The following SLC1A2 variants were observed in gnomAD, a reference collection of about 807,000 sequenced individuals.
SLC1A2 encodes excitatory amino acid transporter 2.
A neutral mutation model predicts 48.8 loss-of-function variants in SLC1A2; 15 were observed. That is an observed-to-expected ratio of 0.31 (90% CI 0.21 to 0.47). The LOEUF is 0.47. SLC1A2 is among the 20% of genes least tolerant of loss of function. The probability of loss-of-function intolerance (pLI) is 0.99; values close to 1 mark genes in which losing one functional copy is unlikely to be tolerated. For missense variants in SLC1A2, 502 were observed against 730.5 expected (o/e 0.69, Z 3.61); for synonymous variants, 279 against 272.6 (o/e 1.02, Z -0.23).
chr11:35,309,584 G>A (rs868767732), intron 4 of SLC1A2, among the ~76,000 whole-genome samples: 7 of 152,304 alleles, frequency 4.6e-5, no homozygotes, highest in Middle Eastern at 3.4e-3. Flanking sequence ...CCTGGGAGGA[G>A]GCAGTCTCCA....
intron 1 of SLC1A2, among the ~76,000 whole-genome samples, chr11:35,321,061 A>T (rs186265714): frequency 4.4e-4 from 67 of 152,340 alleles, no homozygotes; most frequent in Non-Finnish European, 8.1e-4. Flanking sequence ...TCATGGTGGA[A>T]GGGGAAGAGA....
At chr11:35,298,887 T>C (rs1851252488) in intron 6 of SLC1A2, 1 of 152,204 alleles carries the variant, frequency 6.6e-6, no homozygotes, top group African/African-American at 2.4e-5. Context: ...GTTATTGGCA[T>C]CATATTACAG....
chr11:35,361,875 G>T (rs1853692298), intron 1 of SLC1A2, among the ~76,000 whole-genome samples: 1 of 152,144 alleles, frequency 6.6e-6, no homozygotes, highest in Admixed American at 6.5e-5. Context: ...TACTCCAAGG[G>T]CTGAAGTAGA....
intron 7 of SLC1A2, 26 bp from the exon 8 acceptor site, chr11:35,286,977 C>G: frequency 1.3e-6 from 2 of 1,587,184 alleles, no homozygotes; most frequent in South Asian, 1.1e-5. Flanking sequence ...AAGAGAGAGA[C>G]AGGGTTATGT....
At chr11:35,333,913 A>G (rs1266022013) in intron 1 of SLC1A2, among the ~76,000 whole-genome samples, 1 of 150,428 alleles carries the variant, frequency 6.6e-6, no homozygotes, top group African/African-American at 2.5e-5. Flanking sequence ...TCCTGGCCTC[A>G]AGTAATCTAC....
intron 9 of SLC1A2, among the ~76,000 whole-genome samples, chr11:35,273,962 T>A (rs908651485): frequency 1.3e-5 from 2 of 152,182 alleles, no homozygotes; most frequent in Non-Finnish European, 2.9e-5. Flanking sequence ...CAGATTACTT[T>A]ACAGATGAAA....
intron 1 of SLC1A2, among the ~76,000 whole-genome samples, chr11:35,376,192 T>TA (rs77459883): frequency 0.055 from 8,008 of 144,558 alleles, 386 homozygotes; most frequent in African/African-American, 0.14. Flanking sequence ...GGTATTCTAT[T>TA]AAAAAAAAAA....
At chr11:35,305,096 C>T (rs1048738282) in intron 5 of SLC1A2, among the ~76,000 whole-genome samples, 4 of 152,160 alleles carry the variant, frequency 2.6e-5, no homozygotes, top group Admixed American at 6.5e-5. Context: ...TGGCCAAATG[C>T]CCCTATTTCC....
chr11:35,360,468 C>T (rs1277805190), intron 1 of SLC1A2, among the ~76,000 whole-genome samples: 1 of 152,166 alleles, frequency 6.6e-6, no homozygotes, highest in African/African-American at 2.4e-5. Context: ...TTCTCTAACA[C>T]CACCCTTCCA....
At chr11:35,314,799 C>G (rs201640264) in intron 3 of SLC1A2, among the ~76,000 whole-genome samples, 1 of 103,232 alleles carries the variant, frequency 9.7e-6, no homozygotes, top group Non-Finnish European at 2.0e-5. Flanking sequence ...TTTTTTTTTT[C>G]TTTTTTTTGC....
intron 1 of SLC1A2, among the ~76,000 whole-genome samples, chr11:35,337,662 C>T (rs187281090): frequency 1.2e-4 from 19 of 152,268 alleles, no homozygotes; most frequent in Admixed American, 1.2e-3. Context: ...GGGTAGAGTC[C>T]TTTAAGGTTG....
At chr11:35,348,892 CAAAA>C (rs397752034) in intron 1 of SLC1A2, among the ~76,000 whole-genome samples, 16 of 78,464 alleles carry the variant, frequency 2.0e-4, no homozygotes, top group African/African-American at 5.8e-4. Context: ...GACCTGGTCT[CAAAA>C]AAAAAAAAAA....
chr11:35,409,659 A>C (rs1468004143), intron 1 of SLC1A2, among the ~76,000 whole-genome samples: 1 of 152,176 alleles, frequency 6.6e-6, no homozygotes, highest in Non-Finnish European at 1.5e-5. Flanking sequence ...CTATAATCTC[A>C]GCACTTTGGG....
At chr11:35,334,712 GA>G (rs1209314374) in intron 1 of SLC1A2, among the ~76,000 whole-genome samples, 2 of 151,676 alleles carry the variant, frequency 1.3e-5, no homozygotes, top group African/African-American at 4.8e-5. Context: ...CTCAAATGCT[GA>G]GACATGACTT....
chr11:35,326,565 T>C (rs943790845), intron 1 of SLC1A2, among the ~76,000 whole-genome samples: 2 of 152,244 alleles, frequency 1.3e-5, no homozygotes, highest in African/African-American at 2.4e-5. Context: ...ACTTTACAAC[T>C]GCTTTTCTTC....
At chr11:35,388,802 G>C (rs1854664620) in intron 1 of SLC1A2, among the ~76,000 whole-genome samples, 1 of 152,184 alleles carries the variant, frequency 6.6e-6, no homozygotes, top group Non-Finnish European at 1.5e-5. Context: ...CGGATGCTCA[G>C]AAAGCATGAG....
upstream of SLC1A2, chr11:35,419,697 G>C (rs1855727603): frequency 6.0e-6 from 1 of 165,534 alleles, no homozygotes; most frequent in Admixed American, 6.5e-5. The surrounding 1 kb of genome is among the most constrained non-coding windows in gnomAD (Gnocchi z 5.4). Flanking sequence ...CGCTCGTCCG[G>C]GAAGGCTTGG....
intron 1 of SLC1A2, among the ~76,000 whole-genome samples, chr11:35,356,331 T>C (rs1255408870): frequency 1.3e-5 from 2 of 152,206 alleles, no homozygotes; most frequent in Admixed American, 1.3e-4. Context: ...CTATAAAATT[T>C]CTGGGAATAA....
chr11:35,305,592 A>G (rs1166745048), intron 5 of SLC1A2, among the ~76,000 whole-genome samples: 1 of 152,202 alleles, frequency 6.6e-6, no homozygotes, highest in East Asian at 1.9e-4. Flanking sequence ...GATAATCTGT[A>G]AAGCTCCCTT....
Sources: gnomAD v4.1 joint callset for allele counts (sites outside exome capture counted in the v4.1 genomes callset) on GRCh38, gnomAD v4.1.1 for gene constraint, Gnocchi (gnomAD v3.1) non-coding constraint, MANE v1.5 for transcripts, NCBI Gene and HGNC (gene_info 2026-07-23, HGNC 2026-07-21) for gene names.